KDM4B: variants seen among roughly 807,000 people sequenced by gnomAD.
KDM4B encodes lysine-specific demethylase 4B.
KDM4B carries 32 observed loss-of-function variants against 125.2 expected under a neutral mutation model. The observed-to-expected ratio is 0.26, with a 90% CI of 0.19 to 0.34. The LOEUF (loss-of-function observed/expected upper bound fraction) is 0.34. Among genes scored for constraint, KDM4B ranks in the 10% least tolerant of loss-of-function variants. The pLI, the probability that KDM4B is intolerant of heterozygous loss-of-function variation, is 1.00. For synonymous variants in KDM4B, 721 were observed against 677.9 expected, an observed-to-expected ratio of 1.06 and a Z score of -0.99; for missense variants, 1,190 against 1,577.7, an observed-to-expected ratio of 0.75 and a Z score of 4.16.
chr19:5,104,935 C>T (rs529691815), intron 9 of KDM4B, among the ~76,000 whole-genome samples: 2 of 152,206 alleles, frequency 1.3e-5, no homozygotes, highest in African/African-American at 4.8e-5. Flanking sequence ...CTGGGGCCAT[C>T]CCAGCCGGAA....
chr19:4,976,471 G>A (rs950563494), intron 1 of KDM4B, among the ~76,000 whole-genome samples: 4 of 152,198 alleles, frequency 2.6e-5, no homozygotes, highest in African/African-American at 7.2e-5. Context: ...CTCACCAAGC[G>A]TCAGAAGCAC....
chr19:5,021,234 CAT>C (rs1321549087), intron 2 of KDM4B, among the ~76,000 whole-genome samples: 2 of 151,990 alleles, frequency 1.3e-5, no homozygotes, highest in African/African-American at 4.8e-5. Flanking sequence ...ACTCTGACAT[CAT>C]GTGCTGTTTT....
At chr19:5,061,454 G>A (rs188854911) in intron 6 of KDM4B, among the ~76,000 whole-genome samples, 83 of 152,340 alleles carry the variant, frequency 5.4e-4, no homozygotes, top group Non-Finnish European at 1.6e-4. Context: ...CTGCTCCCTG[G>A]CAGATCCTAT....
At chr19:5,111,940 T>A in intron 10 of KDM4B, 1 of 684,726 alleles carries the variant, frequency 1.5e-6, no homozygotes, top group Non-Finnish European at 2.7e-6. Flanking sequence ...CGATAATTTT[T>A]CTGTTTTGAG....
intron 1 of KDM4B, among the ~76,000 whole-genome samples, chr19:4,973,192 T>C (rs1375730892): frequency 6.6e-6 from 1 of 152,196 alleles, no homozygotes; most frequent in Non-Finnish European, 1.5e-5. Flanking sequence ...GCACATACTT[T>C]TATTTATTTA....
At chr19:5,112,612 T>C (rs185019590) in intron 10 of KDM4B, 3 of 152,378 alleles carry the variant, frequency 2.0e-5, no homozygotes, top group East Asian at 1.9e-4. Context: ...ATGGGCGCCT[T>C]CTTTTTCAAC....
At position 5,144,245 on chromosome 19, in the gene KDM4B, C is replaced by T. The variant is rs1204810752; in HGVS notation, c.2737-3C>T. 3.8e-6 allele frequency: 6 copies of T among 1,596,484 alleles called. No individual in the cohort carries two copies. The highest frequency in any genetic ancestry group is 1.7e-5 in the Admixed American group (1 of 58,426). ...GCCCCCCACACCCTCCGCACCCTCC[C>T]AGGTCCAACTCCTGAGGGCCGTGTC... On this transcript the variant is annotated splice_region_variant and splice_polypyrimidine_tract_variant and intron_variant, in intron 19 of 22. Transcript: ENST00000159111.
chr19:5,050,122 C>T (rs2037173150), intron 6 of KDM4B, among the ~76,000 whole-genome samples: 1 of 152,234 alleles, frequency 6.6e-6, no homozygotes, highest in South Asian at 2.1e-4. Context: ...CGCTTAATTG[C>T]AACCATTTCA....
At chr19:5,124,614 C>T (rs1004388791) in intron 11 of KDM4B, among the ~76,000 whole-genome samples, 3 of 152,192 alleles carry the variant, frequency 2.0e-5, no homozygotes, top group South Asian at 2.1e-4. Context: ...CCTTTCCTTT[C>T]CTGATGGAGT....
chr19:5,151,012 G>A (rs1188549026), intron 22 of KDM4B, among the ~76,000 whole-genome samples: 3 of 152,200 alleles, frequency 2.0e-5, no homozygotes, highest in African/African-American at 4.8e-5. Flanking sequence ...GGCAGAGCCC[G>A]TGGGGGAGGT....
intron 6 of KDM4B, chr19:5,070,803 C>T (rs940252890): frequency 3.8e-6 from 2 of 530,030 alleles, no homozygotes; most frequent in Non-Finnish European, 6.8e-6. Context: ...ACTCCCCGCT[C>T]CTCCACCTGC....
At position 5,082,490 on chromosome 19, in the gene KDM4B, A is replaced by G. The variant is rs2038330304; in HGVS notation, c.904A>G (p.Lys302Glu). The part of the protein sequence containing the change: ...FATLRWIDYG[K>E]VATQCTCRKD... Reference sequence around the variant, plus strand: ...CACCCTGCGGTGGATTGACTACGGCAAAGTGGCCACTCAGGTAAAAGCTTG... The same window carrying G: ...CACCCTGCGGTGGATTGACTACGGCGAAGTGGCCACTCAGGTAAAAGCTTG... Residue 302 changes from lysine to glutamate, a missense_variant, in exon 9 of 23, where the codon AAA becomes GAA. This residue lies in a region of KDM4B where 75 missense variants were observed against 218.2 expected (regional missense o/e 0.34). Transcript: ENST00000159111. The surrounding 1 kb of genome is among the most constrained non-coding windows in gnomAD (Gnocchi z 5.4). 6.2e-7 allele frequency: 1 copy of G among 1,604,126 alleles called. No individual in the cohort carries two copies. Among genetic ancestry groups the G allele is most frequent in the Non-Finnish European group, 8.5e-7 (1 of 1,174,778 alleles).
At chr19:5,137,157 A>G (rs974066367) in intron 15 of KDM4B, 105 bp from the exon 16 acceptor site, 1 of 748,826 alleles carries the variant, frequency 1.3e-6, no homozygotes, top group Non-Finnish European at 2.3e-6. Context: ...CACTCCACAT[A>G]CGGACACTGG....
intron 18 of KDM4B, among the ~76,000 whole-genome samples, chr19:5,138,890 G>A (rs550261744): frequency 9.8e-5 from 15 of 152,306 alleles, no homozygotes; most frequent in Middle Eastern, 3.4e-3. Flanking sequence ...GACCCCACGT[G>A]AGTGGGATTG....
chr19:5,032,332 C>T (rs1412519787), intron 2 of KDM4B, among the ~76,000 whole-genome samples: 1 of 152,232 alleles, frequency 6.6e-6, no homozygotes, highest in African/African-American at 2.4e-5. Flanking sequence ...TCTCCTGGGT[C>T]AAGGTTCCTG....
intron 9 of KDM4B, among the ~76,000 whole-genome samples, chr19:5,091,259 T>G (rs1229425343): frequency 6.6e-6 from 1 of 151,258 alleles, no homozygotes. Flanking sequence ...ACGGGGAGAG[T>G]TGACTGAGGA....
At chr19:5,042,752 G>A (rs2036863764) in intron 5 of KDM4B, among the ~76,000 whole-genome samples, 1 of 151,188 alleles carries the variant, frequency 6.6e-6, no homozygotes. Context: ...ACAGCACCGC[G>A]GGGATGGCGC....
At chr19:5,010,772 C>T (rs925995989) in intron 1 of KDM4B, among the ~76,000 whole-genome samples, 2 of 152,302 alleles carry the variant, frequency 1.3e-5, no homozygotes, top group Non-Finnish European at 2.9e-5. Context: ...CTCAGCCTCC[C>T]GAGTAGCTGG....
At chr19:5,071,083 C>G in intron 7 of KDM4B, 24 bp downstream of exon 7, 1 of 1,610,514 alleles carries the variant, frequency 6.2e-7, no homozygotes, top group Non-Finnish European at 8.5e-7. Flanking sequence ...CTGAGGGCCC[C>G]AGGGACCTGG....
Sources: gnomAD v4.1 joint callset for allele counts (sites outside exome capture counted in the v4.1 genomes callset) on GRCh38, gnomAD v4.1.1 for gene constraint, gnomAD v4.1.1 regional missense constraint, Gnocchi (gnomAD v3.1) non-coding constraint, MANE v1.5 for transcripts, NCBI Gene and HGNC (gene_info 2026-07-23, HGNC 2026-07-21) for gene names.